The following LRRK2 variants were observed in gnomAD, a reference collection of about 807,000 sequenced individuals.
LRRK2 encodes leucine rich repeat kinase 2, also known as leucine-rich repeat serine/threonine-protein kinase 2.
A neutral mutation model predicts 302.6 loss-of-function variants in LRRK2; 203 were observed. The ratio of observed to expected loss-of-function variants is 0.67; its 90% CI spans 0.60 to 0.75. The LOEUF (loss-of-function observed/expected upper bound fraction) is 0.75, where lower values mean the gene tolerates loss of function less well. LRRK2 is among the 30% of genes least tolerant of loss of function. The pLI is 0.00. For synonymous variants in LRRK2, 1,066 were observed against 1,031.9 expected (o/e 1.03, Z -0.63); for missense variants, 2,830 against 2,951.0 (o/e 0.96, Z 0.95).
intron 14 of LRRK2, among the ~76,000 whole-genome samples, chr12:40,264,338 C>T (rs1013342858): frequency 2.6e-5 from 4 of 152,050 alleles, no homozygotes; most frequent in Non-Finnish European, 4.4e-5. Flanking sequence ...GTAAAGTCTT[C>T]GGCTGGGCAC....
intron 24 of LRRK2, among the ~76,000 whole-genome samples, chr12:40,298,720 C>T (rs555049147): frequency 2.2e-5 from 3 of 139,256 alleles, no homozygotes; most frequent in African/African-American, 8.0e-5. Flanking sequence ...CGCAGTGAGC[C>T]GAGATCGTGC....
chr12:40,312,384 T>C (rs906926214), intron 31 of LRRK2, among the ~76,000 whole-genome samples: 1 of 152,144 alleles, frequency 6.6e-6, no homozygotes, highest in African/African-American at 2.4e-5. Flanking sequence ...GAATGACTCT[T>C]TCAGATGACC....
chr12:40,304,892 A>G (rs766406602), intron 27 of LRRK2: 33 of 152,114 alleles, frequency 2.2e-4, no homozygotes, highest in Non-Finnish European at 3.7e-4. Context: ...ATACATAATT[A>G]TAGATGAATG....
chr12:40,227,305 G>C (rs1320934183), intron 2 of LRRK2, among the ~76,000 whole-genome samples: 13 of 152,102 alleles, frequency 8.5e-5, no homozygotes, highest in African/African-American at 2.9e-4. Context: ...TTTTCTTTGT[G>C]TTGGCAACGT....
intron 23 of LRRK2, 97 bp from the exon 24 acceptor site, chr12:40,298,146 T>C (rs997239155): frequency 1.6e-6 from 2 of 1,267,154 alleles, no homozygotes; most frequent in Admixed American, 2.0e-5. Flanking sequence ...AAATTCTTGA[T>C]GGTTCTAGTT....
intron 45 of LRRK2, 25 bp downstream of exon 45, chr12:40,354,517 G>A (rs775164004): frequency 1.9e-6 from 3 of 1,591,942 alleles, no homozygotes; most frequent in Admixed American, 3.3e-5. Context: ...TTGATCAATG[G>A]GGAAATTACA....
intron 2 of LRRK2, among the ~76,000 whole-genome samples, chr12:40,227,045 T>A (rs571207568): frequency 6.6e-6 from 1 of 152,308 alleles, no homozygotes; most frequent in East Asian, 1.9e-4. Context: ...TAATTCTTAA[T>A]TTTAGAAATT....
chr12:40,320,940 A>ATT, intron 34 of LRRK2, 94 bp from the exon 35 acceptor site: 2 of 1,387,146 alleles, frequency 1.4e-6, no homozygotes, highest in Non-Finnish European at 2.0e-6. Context: ...GTTTGGAATG[A>ATT]TTACCTTCAT....
At chr12:40,284,726 T>C (rs534082095) in intron 19 of LRRK2, among the ~76,000 whole-genome samples, 39 of 152,294 alleles carry the variant, frequency 2.6e-4, no homozygotes, top group African/African-American at 9.1e-4. Context: ...CTCTCATTTG[T>C]TCACACTAAA....
Position 40,263,690 on chromosome 12 carries a change from T to C in LRRK2, c.1544-99T>C. The C allele has an allele frequency of 7.1e-6, 6 of 842,272 alleles. No individual in the cohort carries two copies. The South Asian group carries it at 9.3e-5, about 13-fold the overall frequency. 52.2% of individuals were successfully genotyped at this position (842,272 alleles called of 1,614,324 possible). On this transcript the variant is annotated intron_variant, in intron 13 of 50. Coordinates refer to ENST00000298910, the MANE Select transcript of LRRK2 (RefSeq NM_198578.4). ...ACTAGAAAAAAGTACAACACATATA[T>C]TGTGAGATTAATTATGACAATTTCT...
rs41286480 is a variant in LRRK2, at chr12:40,304,141, C to T, written c.3777+7C>T. The stretch of plus-strand genomic sequence containing the variant: ...TCACAATAAACTGAAAGAGGTAAGA[C>T]GATTATTGCCACTTAAAAAATATAC... On this transcript the variant is annotated splice_region_variant and intron_variant, in intron 27 of 50. Transcript: ENST00000298910. The T allele has an allele frequency of 1.2e-3, 1,933 of 1,610,222 alleles. 3 individuals carry two copies. Among genetic ancestry groups the T allele is most frequent in the Non-Finnish European group, 1.5e-3 (1,754 of 1,177,344 alleles).
At chr12:40,307,236 TATC>T (rs1255789306) in intron 28 of LRRK2, among the ~76,000 whole-genome samples, 1 of 152,056 alleles carries the variant, frequency 6.6e-6, no homozygotes, top group Non-Finnish European at 1.5e-5. Flanking sequence ...TTTTTGGTCA[TATC>T]ATCAGGAATG....
rs777795948 is a variant in LRRK2, at chr12:40,257,320, A to G, written c.1361A>G (p.His454Arg). Residue 454 changes from histidine to arginine, a missense_variant, in exon 12 of 51, where the codon CAT (histidine) becomes CGT (arginine). Coordinates refer to ENST00000298910, the MANE Select transcript of LRRK2 (RefSeq NM_198578.4). ...NVLELMQKHI[H>R]SPEVAESGCK... ...TTGGAGTTAATGCAGAAGCATATAC[A>G]TTCTCCTGAAGTGGCTGAAAGTGGC... 6.2e-6 allele frequency: 10 copies of G among 1,612,204 alleles called. No homozygotes were observed. In the South Asian group the frequency reaches 9.9e-5, roughly 16 times the overall value.
chr12:40,250,116 T>C (rs1008207963), intron 8 of LRRK2, among the ~76,000 whole-genome samples, 171 bp downstream of exon 8: 3 of 152,238 alleles, frequency 2.0e-5, no homozygotes, highest in Non-Finnish European at 4.4e-5. Context: ...TTGTGACAAA[T>C]ATACACATCT....
rs118140854 is a variant in LRRK2 at position 40,288,920 on chromosome 12, C to T, written c.2689+1381C>T. On this transcript the variant is annotated intron_variant, in intron 20 of 50. Transcript: ENST00000298910. ...AGAGGTTTTAAATCTTGGTGAAATGCAGTTTTCCAGTTTTTTTCTTTTATG... is the reference window on the plus strand; with the variant it reads ...AGAGGTTTTAAATCTTGGTGAAATGTAGTTTTCCAGTTTTTTTCTTTTATG... Among the ~76,000 whole-genome samples the T allele has an allele frequency of 7.6e-3, 1,150 of 151,760 alleles. 12 individuals are homozygous for T. The highest frequency in any genetic ancestry group is 0.012 in the Non-Finnish European group (803 of 67,770).
Position 40,359,442 on chromosome 12 carries a change from AC to A in LRRK2, c.7027del (p.Leu2343CysfsTer13). 2 of 1,612,438 alleles carry A rather than the reference AC, an allele frequency of 1.2e-6. No homozygotes were observed. Among genetic ancestry groups the A allele is most frequent in the African/African-American group, 2.7e-5 (2 of 74,986 alleles). On this transcript the variant is annotated frameshift_variant and splice_region_variant, in exon 47 of 51. Transcript: ENST00000298910. LOFTEE classifies it high-confidence loss of function. ...AACTCATTGAGACAAGAACAAGCCA[AC>A]TGTAAGTTATTTTTTATCTGTACAA... ...QKLIETRTSQ[L>X]FSYAAFSDSN... is the part of the protein sequence containing the mutation.
At chr12:40,339,558 G>T (rs945014544) in intron 40 of LRRK2, among the ~76,000 whole-genome samples, 2 of 151,980 alleles carry the variant, frequency 1.3e-5, no homozygotes, top group African/African-American at 2.4e-5. Context: ...GTCTCCAGAA[G>T]GTTGGACTTT....
At chr12:40,318,646 T>TC (rs1945300440) in intron 33 of LRRK2, among the ~76,000 whole-genome samples, 1 of 152,082 alleles carries the variant, frequency 6.6e-6, no homozygotes, top group South Asian at 2.1e-4. Flanking sequence ...ATAGGGCTGA[T>TC]ATTCAAATGA....
At chr12:40,294,293 G>T (rs1205749103) in intron 21 of LRRK2, among the ~76,000 whole-genome samples, 2 of 151,862 alleles carry the variant, frequency 1.3e-5, no homozygotes, top group East Asian at 3.9e-4. Context: ...AAGGACTATG[G>T]CATATTTGCA....
Sources: gnomAD v4.1 joint callset for allele counts (sites outside exome capture counted in the v4.1 genomes callset) on GRCh38, gnomAD v4.1.1 for gene constraint, MANE v1.5 for transcripts, NCBI Gene and HGNC (gene_info 2026-07-23, HGNC 2026-07-21) for gene names.